SLC25A42: variants seen among roughly 807,000 people sequenced by gnomAD.
SLC25A42 encodes solute carrier family 25 member 42, also known as mitochondrial coenzyme A transporter SLC25A42.
A neutral mutation model predicts 34.7 loss-of-function variants in SLC25A42; 19 were observed. The observed-to-expected ratio is 0.55, with a 90% CI of 0.38 to 0.80. SLC25A42 has a LOEUF of 0.80. SLC25A42 is among the 30% of genes least tolerant of loss of function. SLC25A42 has a pLI of 0.00. For synonymous variants in SLC25A42, 205 were observed against 191.2 expected, an observed-to-expected ratio of 1.07 and a Z score of -0.59; for missense variants, 364 against 441.3, an observed-to-expected ratio of 0.82 and a Z score of 1.57.
chr19:19,110,756 C>T lies in SLC25A42; in HGVS notation c.837C>T (p.Gly279=), dbSNP rs746409487. 19 of 1,612,880 alleles carry T rather than the reference C, an allele frequency of 1.2e-5. No individual in the cohort carries two copies. The highest frequency in any genetic ancestry group is 1.6e-5 in the Non-Finnish European group (19 of 1,179,722). ...TGCGCACCATCGTGCGGGAGGAGGG[C>T]GCCGTGCGCGGCCTCTACAAAGGCT... ...RTLRTIVREE[G]AVRGLYKGLS... is the part of the protein sequence containing the mutation. Residue 279 remains glycine, a synonymous_variant, in exon 8 of 8, where the codon GGC becomes GGT. Transcript: ENST00000318596.
At chr19:19,065,735 T>G (rs2059598633) in intron 1 of SLC25A42, among the ~76,000 whole-genome samples, 1 of 152,228 alleles carries the variant, frequency 6.6e-6, no homozygotes. Context: ...GTGTGTGTGT[T>G]GTACACATAT....
In SLC25A42 at chr19:19,112,286, GTCC is replaced by G. The variant is rs2059870171; in HGVS notation, c.*1418_*1420del. On this transcript the variant is annotated 3_prime_UTR_variant, in exon 8 of 8. Coordinates refer to ENST00000318596, the MANE Select transcript of SLC25A42 (RefSeq NM_178526.5). The surrounding 1 kb of genome is among the most constrained non-coding windows in gnomAD (Gnocchi z 4.3). ...TCGTGACTTCATTTCCCTTCCTTCT[GTCC>G]TCCTCCTGTTCTTGCCTTGGACCTG... 1 of 152,438 alleles carries G rather than the reference GTCC, an allele frequency of 6.6e-6. No homozygotes were observed. The highest frequency in any genetic ancestry group is 6.5e-5 in the Admixed American group (1 of 15,268). 9.4% of individuals were successfully genotyped at this position (152,438 alleles called of 1,614,324 possible).
intron 1 of SLC25A42, among the ~76,000 whole-genome samples, chr19:19,074,000 G>C (rs573543539): frequency 4.0e-4 from 61 of 152,302 alleles, no homozygotes; most frequent in South Asian, 1.9e-3. Flanking sequence ...GAGCCACCAC[G>C]CCCAACCAAA....
chr19:19,094,537 C>G (rs2059754622), intron 1 of SLC25A42, among the ~76,000 whole-genome samples: 2 of 152,310 alleles, frequency 1.3e-5, no homozygotes, highest in Non-Finnish European at 1.5e-5. Flanking sequence ...CTTCCTTTCT[C>G]TCTGGCCCCA....
intron 2 of SLC25A42, among the ~76,000 whole-genome samples, chr19:19,098,942 A>C (rs781284462): frequency 6.6e-6 from 1 of 152,090 alleles, no homozygotes; most frequent in Non-Finnish European, 1.5e-5. Flanking sequence ...CAAAACGACA[A>C]ACTGATAGGA....
intron 7 of SLC25A42, among the ~76,000 whole-genome samples, chr19:19,110,048 A>G (rs985903314): frequency 2.0e-5 from 3 of 152,006 alleles, no homozygotes; most frequent in African/African-American, 7.2e-5. Flanking sequence ...TCTGCCTTTT[A>G]AGAAATTTTA....
chr19:19,107,365 G>A (rs2059837352), intron 6 of SLC25A42, among the ~76,000 whole-genome samples: 1 of 151,948 alleles, frequency 6.6e-6, no homozygotes, highest in Non-Finnish European at 1.5e-5. Flanking sequence ...GAGCATGGTG[G>A]CTCACGCCTG....
At chr19:19,079,764 G>T (rs79633799) in intron 1 of SLC25A42, among the ~76,000 whole-genome samples, 1 of 152,046 alleles carries the variant, frequency 6.6e-6, no homozygotes, top group East Asian at 1.9e-4. Context: ...TTGTGTTGGG[G>T]TCTCACTATG....
At chr19:19,102,710 C>T (rs1223869652) in intron 3 of SLC25A42, among the ~76,000 whole-genome samples, 1 of 151,874 alleles carries the variant, frequency 6.6e-6, no homozygotes, top group Non-Finnish European at 1.5e-5. Flanking sequence ...CGCCATCGCA[C>T]TCCAGCCTGG....
intron 2 of SLC25A42, among the ~76,000 whole-genome samples, chr19:19,100,701 C>T (rs962518245): frequency 6.6e-6 from 1 of 152,170 alleles, no homozygotes; most frequent in African/African-American, 2.4e-5. Context: ...TCATCTGATG[C>T]TTCTGTTGGC....
Position 19,110,623 on chromosome 19 carries a change from G to A in SLC25A42, c.704G>A (p.Cys235Tyr). 1 of 1,529,050 alleles carries A rather than the reference G, an allele frequency of 6.5e-7. No individual in the cohort carries two copies. Among genetic ancestry groups the A allele is most frequent in the Non-Finnish European group, 8.8e-7 (1 of 1,140,044 alleles). 94.7% of individuals were successfully genotyped at this position (1,529,050 alleles called of 1,614,324 possible). ...YPFERMIFGA[C>Y]AGLIGQSASY... ...TTCGAGCGCATGATCTTCGGCGCCT[G>A]CGCTGGCCTCATCGGGCAGTCGGCC... is the stretch of plus-strand genomic sequence containing the variant. Residue 235 changes from cysteine to tyrosine, a missense_variant, in exon 8 of 8, where the codon TGC becomes TAC. By Grantham distance (194) the Cys-to-Tyr change is radical (BLOSUM62 -2). Transcript: ENST00000318596.
chr19:19,067,973 C>T (rs1263621361), intron 1 of SLC25A42, among the ~76,000 whole-genome samples: 1 of 152,102 alleles, frequency 6.6e-6, no homozygotes, highest in Non-Finnish European at 1.5e-5. Flanking sequence ...TTGAGATAAT[C>T]AGAATCATTC....
At chr19:19,089,881 C>T (rs2059729111) in intron 1 of SLC25A42, among the ~76,000 whole-genome samples, 1 of 151,998 alleles carries the variant, frequency 6.6e-6, no homozygotes, top group South Asian at 2.1e-4. Context: ...AAAACAAAAA[C>T]AAAAAACACC....
Position 19,101,840 on chromosome 19 carries a change from C to T in SLC25A42, c.141C>T (p.Ala47=). 6.2e-7 allele frequency: 1 copy of T among 1,613,810 alleles called. No individual in the cohort carries two copies. Among genetic ancestry groups the T allele is most frequent in the Non-Finnish European group, 8.5e-7 (1 of 1,179,842 alleles). The change falls in exon 3 of 8, where the codon GCC becomes GCT. Residue 47 remains alanine, a synonymous_variant. Coordinates refer to ENST00000318596, the MANE Select transcript of SLC25A42 (RefSeq NM_178526.5). ...CTGGGGCCCTGGCTGGTGCCCTTGC[C>T]AAAACAGCGGTAGCTCCCCTGGACC... The part of the protein sequence containing the change: ...LLSGALAGAL[A]KTAVAPLDRT...
chr19:19,079,950 T>C (rs1473215254), intron 1 of SLC25A42, among the ~76,000 whole-genome samples: 1 of 152,210 alleles, frequency 6.6e-6, no homozygotes, highest in Non-Finnish European at 1.5e-5. Flanking sequence ...TCTCCCTGTG[T>C]AACTTGTGAA....
intron 7 of SLC25A42, 47 bp from the exon 8 acceptor site, chr19:19,110,522 C>T (rs1475386705): frequency 1.5e-6 from 2 of 1,369,460 alleles, no homozygotes; most frequent in Admixed American, 7.5e-5. Context: ...GCGGGGTGCG[C>T]GCCCCCTCGC....
chr19:19,066,438 A>T (rs776504244), intron 1 of SLC25A42, among the ~76,000 whole-genome samples: 25 of 129,454 alleles, frequency 1.9e-4, no homozygotes, highest in Non-Finnish European at 3.0e-4. Context: ...TGCAGCCCAT[A>T]TTTTTTTTTT....
intron 1 of SLC25A42, among the ~76,000 whole-genome samples, chr19:19,080,976 T>C (rs2059678945): frequency 6.9e-6 from 1 of 145,418 alleles, no homozygotes; most frequent in Non-Finnish European, 1.5e-5. Flanking sequence ...CCAGGCATGG[T>C]GGTACACATG....
At position 19,110,996 on chromosome 19, in the gene SLC25A42, C is replaced by G. The variant is rs950118227; in HGVS notation, c.*120C>G. 74 of 1,167,138 alleles carry G rather than the reference C, an allele frequency of 6.3e-5. No homozygotes were observed. The highest frequency in any genetic ancestry group is 8.6e-5 in the Non-Finnish European group (71 of 829,612). 72.3% of individuals were successfully genotyped at this position (1,167,138 alleles called of 1,614,324 possible). On this transcript the variant is annotated 3_prime_UTR_variant, in exon 8 of 8. Coordinates refer to ENST00000318596, the MANE Select transcript of SLC25A42 (RefSeq NM_178526.5). ...GAGGCACATGGGGCGCTTTATGGAA[C>G]GAGCAGGTGGGCCTGAGGGGCCTGG...
Sources: allele counts gnomAD v4.1 joint callset (sites outside exome capture counted in the v4.1 genomes callset), GRCh38; gene constraint gnomAD v4.1.1; non-coding constraint Gnocchi (gnomAD v3.1); transcripts MANE v1.5; gene names NCBI Gene and HGNC (gene_info 2026-07-23, HGNC 2026-07-21).